AKAP13: variants seen among roughly 807,000 people sequenced by gnomAD.
The protein encoded by AKAP13 is A-kinase anchoring protein 13, also known as A-kinase anchor protein 13.
AKAP13 carries 80 observed loss-of-function variants against 264.5 expected under a neutral mutation model. The observed-to-expected ratio is 0.30, with a 90% confidence interval of 0.25 to 0.36. The LOEUF (loss-of-function observed/expected upper bound fraction) is 0.36, where lower values mean the gene tolerates loss of function less well. AKAP13 is among the 10% of genes least tolerant of loss of function. AKAP13 has a pLI of 1.00. For synonymous variants in AKAP13, 1,380 were observed against 1,250.2 expected, an observed-to-expected ratio of 1.10 and a Z score of -2.19; for missense variants, 3,712 against 3,435.2, an observed-to-expected ratio of 1.08 and a Z score of -2.01.
At chr15:85,605,629 TTAAAA>T (rs1299121983) in intron 8 of AKAP13, among the ~76,000 whole-genome samples, 2 of 152,162 alleles carry the variant, frequency 1.3e-5, no homozygotes, top group Non-Finnish European at 2.9e-5. Context: ...AGCCCGGAAC[TTAAAA>T]TAAAATTGTT....
At chr15:85,603,442 TCACA>T (rs1353427296) in intron 8 of AKAP13, among the ~76,000 whole-genome samples, 3 of 152,256 alleles carry the variant, frequency 2.0e-5, no homozygotes, top group Non-Finnish European at 4.4e-5. Flanking sequence ...ATAGTTTTGA[TCACA>T]CAGACACCCT....
chr15:85,568,802 G>A (rs959939838), intron 5 of AKAP13, among the ~76,000 whole-genome samples: 9 of 152,130 alleles, frequency 5.9e-5, no homozygotes, highest in African/African-American at 2.2e-4. Context: ...CAACAAAAAC[G>A]TTGTTTTGTT....
intron 1 of AKAP13, among the ~76,000 whole-genome samples, chr15:85,410,657 C>T (rs1026426843): frequency 6.6e-6 from 1 of 151,548 alleles, no homozygotes; most frequent in African/African-American, 2.4e-5. Flanking sequence ...GATTTACCAT[C>T]TGTCACCTGG....
chr15:85,645,776 T>TG (rs765569024), intron 9 of AKAP13, 42 bp from the exon 10 acceptor site: 8 of 1,158,746 alleles, frequency 6.9e-6, no homozygotes, highest in Admixed American at 7.8e-5. Context: ...GGTTTTTTTG[T>TG]TTTTTTTTTT....
At chr15:85,622,869 A>G (rs536107226) in intron 8 of AKAP13, among the ~76,000 whole-genome samples, 2 of 152,298 alleles carry the variant, frequency 1.3e-5, no homozygotes, top group Non-Finnish European at 2.9e-5. Flanking sequence ...ATGAATATGT[A>G]TATTAGCTTT....
intron 1 of AKAP13, among the ~76,000 whole-genome samples, chr15:85,464,481 T>A (rs1448577114): frequency 6.6e-6 from 1 of 152,230 alleles, no homozygotes; most frequent in East Asian, 1.9e-4. Flanking sequence ...TCCACATTCA[T>A]ATTTATTCCT....
intron 17 of AKAP13, chr15:85,701,096 A>T (rs1942393605): frequency 6.6e-6 from 1 of 152,254 alleles, no homozygotes; most frequent in Non-Finnish European, 1.5e-5. Flanking sequence ...AAGACTTTTT[A>T]GAGTTTTTCT....
intron 1 of AKAP13, among the ~76,000 whole-genome samples, chr15:85,431,905 G>C (rs1237218597): frequency 6.6e-6 from 1 of 152,128 alleles, no homozygotes; most frequent in Non-Finnish European, 1.5e-5. Flanking sequence ...AGAGGTTCAG[G>C]CGAAAGAAAT....
At chr15:85,493,466 G>T (rs1345388998) in intron 2 of AKAP13, among the ~76,000 whole-genome samples, 2 of 152,152 alleles carry the variant, frequency 1.3e-5, no homozygotes, top group Non-Finnish European at 2.9e-5. Flanking sequence ...TGATAACCTT[G>T]TCTTTATGGT....
Position 85,735,512 on chromosome 15 carries a change from A to G in AKAP13, c.7442-48A>G, listed in dbSNP as rs774356833. Reference sequence around the variant, plus strand: ...CTATATGATATTCTTTCCTTGGCTAATCTGTTTCACAACTTTAAAAAAAAA... The same window carrying G: ...CTATATGATATTCTTTCCTTGGCTAGTCTGTTTCACAACTTTAAAAAAAAA... On this transcript the variant is annotated intron_variant, in intron 31 of 36. Transcript: ENST00000394518. 58 of 1,569,598 alleles carry G rather than the reference A, an allele frequency of 3.7e-5. No individual in the cohort carries two copies. In the South Asian group the frequency reaches 6.8e-4, roughly 18 times the overall value.
At chr15:85,730,976 T>C (rs2087964451) in intron 30 of AKAP13, among the ~76,000 whole-genome samples, 3 of 151,578 alleles carry the variant, frequency 2.0e-5, no homozygotes, top group Admixed American at 6.6e-5. Context: ...ATTCTGACTG[T>C]TTTTTAATTA....
chr15:85,399,883 T>G (rs2071340990), intron 1 of AKAP13, among the ~76,000 whole-genome samples: 1 of 152,216 alleles, frequency 6.6e-6, no homozygotes, highest in South Asian at 2.1e-4. Flanking sequence ...CAAAGAGCCC[T>G]GTGAAAGATG....
At chr15:85,548,900 GC>G (rs2077851481) in intron 5 of AKAP13, among the ~76,000 whole-genome samples, 1 of 141,872 alleles carries the variant, frequency 7.0e-6, no homozygotes, top group Non-Finnish European at 1.5e-5. Flanking sequence ...AAACCTCAGT[GC>G]CTTTTTTTTT....
chr15:85,396,028 A>G (rs2071093364), intron 1 of AKAP13, among the ~76,000 whole-genome samples: 1 of 151,876 alleles, frequency 6.6e-6, no homozygotes. Context: ...ACATACACAC[A>G]CACACACACA....
At chr15:85,452,524 T>C (rs529283492) in intron 1 of AKAP13, among the ~76,000 whole-genome samples, 11 of 151,984 alleles carry the variant, frequency 7.2e-5, no homozygotes, top group Admixed American at 2.0e-4. Context: ...GCAGTGTAGA[T>C]TGAGTATGGT....
chr15:85,595,424 A>G (rs886621051), intron 8 of AKAP13, among the ~76,000 whole-genome samples: 2 of 152,180 alleles, frequency 1.3e-5, no homozygotes, highest in African/African-American at 2.4e-5. Context: ...TTTGAAAGTT[A>G]GGTATCCTTT....
In AKAP13 at chr15:85,477,552, AC is replaced by A. The variant is rs1204500534; in HGVS notation, c.-11-8157del. 3.3e-5 allele frequency among the ~76,000 whole-genome samples: 5 copies of A among 150,332 alleles called. No individual in the cohort carries two copies. In the East Asian group the frequency reaches 9.9e-4, roughly 30 times the overall value. On this transcript the variant is annotated intron_variant, in intron 1 of 36. Coordinates refer to ENST00000394518, the MANE Select transcript of AKAP13 (RefSeq NM_007200.5). ...GGGTTTGAGTTTACGCTACACAATT[AC>A]AAACTTTTTCCAGTGCTGCTTTTTG...
At chr15:85,630,270 C>CACACACAT (rs1567164701) in intron 8 of AKAP13, among the ~76,000 whole-genome samples, 1 of 145,992 alleles carries the variant, frequency 6.8e-6, no homozygotes, top group African/African-American at 2.5e-5. Flanking sequence ...CACACACAAA[C>CACACACAT]ACAATGAACT....
At chr15:85,667,033 AC>A (rs2083643495) in intron 13 of AKAP13, among the ~76,000 whole-genome samples, 1 of 152,188 alleles carries the variant, frequency 6.6e-6, no homozygotes, top group African/African-American at 2.4e-5. Flanking sequence ...TGAAACACTT[AC>A]AATTTAAAAA....
Sources: gnomAD v4.1 joint callset for allele counts (sites outside exome capture counted in the v4.1 genomes callset) on GRCh38, gnomAD v4.1.1 for gene constraint, MANE v1.5 for transcripts, NCBI Gene and HGNC (gene_info 2026-07-23, HGNC 2026-07-21) for gene names.